PTPRD: variants seen among roughly 807,000 people sequenced by gnomAD.
PTPRD encodes receptor-type tyrosine-protein phosphatase delta.
Under a neutral mutation model 214.5 loss-of-function variants are expected in PTPRD, and 34 were observed. The ratio of observed to expected loss-of-function variants is 0.16; its 90% CI spans 0.12 to 0.21. PTPRD has a LOEUF of 0.21. Ranked by LOEUF, PTPRD falls within the 10% of genes least tolerant of loss-of-function variation. PTPRD has a pLI of 1.00. For missense variants in PTPRD, 2,545 were observed against 2,398.7 expected, an observed-to-expected ratio of 1.06 and a Z score of -1.27; for synonymous variants, 1,128 against 845.7, an observed-to-expected ratio of 1.33 and a Z score of -5.79.
At chr9:8,749,527 T>C (rs1042463042) in intron 11 of PTPRD, among the ~76,000 whole-genome samples, 1 of 152,140 alleles carries the variant, frequency 6.6e-6, no homozygotes, top group African/African-American at 2.4e-5. Flanking sequence ...TAAGTGACCA[T>C]AGACAAAAAT....
chr9:10,567,401 T>G (rs552516581), intron 2 of PTPRD, among the ~76,000 whole-genome samples: 101 of 152,208 alleles, frequency 6.6e-4, no homozygotes, highest in African/African-American at 2.4e-3. Context: ...AATTAGAATA[T>G]AAAACTTCTA....
Position 8,404,608 on chromosome 9 carries a change from T to C in PTPRD, c.4139A>G (p.Asn1380Ser). 6.2e-7 allele frequency: 1 copy of C among 1,613,588 alleles called. No individual in the cohort carries two copies. The highest frequency in any genetic ancestry group is 8.5e-7 in the Non-Finnish European group (1 of 1,179,618). Residue 1380 changes from asparagine (N) to serine (S), a missense_variant, in exon 36 of 46, where the codon AAC becomes AGC. Transcript: ENST00000381196. ...FTWEHSNLEV[N>S]KPKNRYANVI... ...ATTCGCGTATCTATTCTTTGGTTTG[T>C]TTACTTCCAAGTTTGAATGTTCCCA...
chr9:9,362,899 C>T (rs1490299954), intron 9 of PTPRD, among the ~76,000 whole-genome samples: 1 of 151,062 alleles, frequency 6.6e-6, no homozygotes, highest in Non-Finnish European at 1.5e-5. Flanking sequence ...TGTAAGAAAA[C>T]CTTTCTTATT....
intron 14 of PTPRD, among the ~76,000 whole-genome samples, chr9:8,632,156 T>C (rs2096274685): frequency 6.6e-6 from 1 of 151,348 alleles, no homozygotes; most frequent in African/African-American, 2.4e-5. Flanking sequence ...TGTCTGTGTG[T>C]GTGTGTGTTT....
At chr9:8,772,850 T>G in intron 11 of PTPRD, among the ~76,000 whole-genome samples, 1 of 152,138 alleles carries the variant, frequency 6.6e-6, no homozygotes, top group Non-Finnish European at 1.5e-5. Flanking sequence ...GATATTTTTG[T>G]GTCCCTATAA....
intron 3 of PTPRD, among the ~76,000 whole-genome samples, chr9:10,269,434 G>A (rs142893415): frequency 1.6e-4 from 24 of 152,248 alleles, no homozygotes; most frequent in African/African-American, 5.3e-4. Context: ...ACAGTAAGAA[G>A]TGTCAACAAA....
chr9:8,370,935 T>C (rs1257000554), intron 39 of PTPRD, among the ~76,000 whole-genome samples: 1 of 152,226 alleles, frequency 6.6e-6, no homozygotes, highest in Non-Finnish European at 1.5e-5. Flanking sequence ...AATTACTCCT[T>C]GTAAATTACC....
chr9:8,450,963 T>C (rs944294963), intron 33 of PTPRD, among the ~76,000 whole-genome samples: 2 of 152,120 alleles, frequency 1.3e-5, no homozygotes, highest in African/African-American at 4.8e-5. Flanking sequence ...GCACAGTGTT[T>C]AGGAACTTTC....
At chr9:9,077,338 T>A (rs1422852903) in intron 10 of PTPRD, among the ~76,000 whole-genome samples, 2 of 151,858 alleles carry the variant, frequency 1.3e-5, no homozygotes, top group African/African-American at 2.4e-5. Context: ...TATTTCTCCA[T>A]AGTTCATAGA....
At chr9:9,342,808 C>A (rs1054246690) in intron 9 of PTPRD, among the ~76,000 whole-genome samples, 2 of 151,840 alleles carry the variant, frequency 1.3e-5, no homozygotes, top group Admixed American at 1.3e-4. Flanking sequence ...TTTGCTGCAC[C>A]CATCAACCCG....
chr9:10,096,424 C>A (rs111917444), intron 3 of PTPRD, among the ~76,000 whole-genome samples: 3 of 151,728 alleles, frequency 2.0e-5, no homozygotes, highest in African/African-American at 2.4e-5. Flanking sequence ...TTTTAATGAT[C>A]GCCATTCTAA....
chr9:9,350,995 A>G (rs1771263481), intron 9 of PTPRD, among the ~76,000 whole-genome samples: 1 of 152,012 alleles, frequency 6.6e-6, no homozygotes, highest in South Asian at 2.1e-4. Flanking sequence ...TTAGATTGCT[A>G]AAGAATTTCT....
chr9:8,655,641 C>A (rs1467826496), intron 12 of PTPRD, among the ~76,000 whole-genome samples: 1 of 151,942 alleles, frequency 6.6e-6, no homozygotes, highest in Non-Finnish European at 1.5e-5. Flanking sequence ...TTTCAATCAC[C>A]AGCAGAGCCC....
intron 8 of PTPRD, among the ~76,000 whole-genome samples, chr9:9,409,623 C>G (rs202008861): frequency 6.6e-6 from 1 of 151,072 alleles, no homozygotes; most frequent in East Asian, 1.9e-4. Flanking sequence ...ATAAAAAGTA[C>G]AAGCCACAAA....
rs1567097420 is a variant in PTPRD, at chr9:8,934,435, AAATATATATATAAATT to A, written c.-104+84246_-104+84261del. Among the ~76,000 whole-genome samples the A allele has an allele frequency of 9.4e-3, 281 of 29,888 alleles. 21 individuals carry two copies. The highest frequency in any genetic ancestry group is 0.023 in the South Asian group (29 of 1,252). The allele number at this position is 29,888 out of a possible 152,430, so 19.6% of individuals were successfully genotyped here. On this transcript the variant is annotated intron_variant, in intron 11 of 45. Transcript: ENST00000381196. Reference sequence around the variant, plus strand: ...TGTGTGTGTGTGTATATATATATATAAATATATATATAAATTTATATATATATAAATATATATATAT... The same window carrying A: ...TGTGTGTGTGTGTATATATATATATATATATATATATAAATATATATATAT...
chr9:8,848,228 T>G (rs2097738569), intron 11 of PTPRD, among the ~76,000 whole-genome samples: 1 of 150,246 alleles, frequency 6.7e-6, no homozygotes, highest in Non-Finnish European at 1.5e-5. Flanking sequence ...TTTCAATGCC[T>G]CCAGTCCCAA....
chr9:9,813,612 G>A (rs1449184826), intron 5 of PTPRD, among the ~76,000 whole-genome samples: 1 of 152,032 alleles, frequency 6.6e-6, no homozygotes, highest in Admixed American at 6.6e-5. Context: ...TCATGCAAAG[G>A]TTTGAAGCAC....
At chr9:9,615,615 C>A (rs149495338) in intron 7 of PTPRD, among the ~76,000 whole-genome samples, 1 of 152,222 alleles carries the variant, frequency 6.6e-6, no homozygotes, top group Non-Finnish European at 1.5e-5. Flanking sequence ...TGGTTTCTAT[C>A]TCCTAGTTGG....
intron 14 of PTPRD, among the ~76,000 whole-genome samples, chr9:8,620,306 A>G (rs569971157): frequency 6.6e-6 from 1 of 152,090 alleles, no homozygotes; most frequent in Non-Finnish European, 1.5e-5. Flanking sequence ...GCTTTAAAGA[A>G]GAAGCCTAAA....
Sources: allele counts gnomAD v4.1 joint callset (sites outside exome capture counted in the v4.1 genomes callset), GRCh38; gene constraint gnomAD v4.1.1; transcripts MANE v1.5; gene names NCBI Gene and HGNC (gene_info 2026-07-23, HGNC 2026-07-21).